INSL6: variants seen among roughly 807,000 people sequenced by gnomAD.
INSL6 encodes the protein insulin like 6.
A neutral mutation model predicts 9.4 loss-of-function variants in INSL6; 16 were observed. That is an observed-to-expected ratio of 1.70 (90% CI 1.15 to 2.59). The LOEUF (loss-of-function observed/expected upper bound fraction) is 2.59, where lower values mean the gene tolerates loss of function less well. INSL6 is among the 30% of genes most tolerant of loss of function. The pLI is 0.00. For synonymous variants in INSL6, 154 were observed against 96.9 expected (o/e 1.59, Z -3.46); for missense variants, 391 against 257.3 (o/e 1.52, Z -3.56).
At chr9:5,145,235 C>G (rs191548688) in intron 2 of INSL6, among the ~76,000 whole-genome samples, 199 of 151,266 alleles carry the variant, frequency 1.3e-3, no homozygotes, top group Non-Finnish European at 2.0e-3. Context: ...TTAGCTTGGC[C>G]AGATATGAAA....
Position 5,185,629 on chromosome 9 carries a change from C to T in INSL6, c.-27G>A, listed in dbSNP as rs922976567. ...CCTGTGACCCCAGGCTAGTCCTCCGCGTTGTGCAATGGCGGTCGGCCGGAC... is the reference window on the plus strand; with the variant it reads ...CCTGTGACCCCAGGCTAGTCCTCCGTGTTGTGCAATGGCGGTCGGCCGGAC... On this transcript the variant is annotated 5_prime_UTR_variant, in exon 1 of 2. Transcript: ENST00000381641. 1.3e-6 allele frequency: 2 copies of T among 1,598,828 alleles called. No individual in the cohort carries two copies. The highest frequency in any genetic ancestry group is 1.7e-6 in the Non-Finnish European group (2 of 1,174,266).
the INSL6 span, chr9:5,110,959 C>T: frequency 3.3e-6 from 2 of 598,906 alleles, no homozygotes; most frequent in Non-Finnish European, 6.2e-6. Context: ...GGACAAGGAG[C>T]TCAGTAACCT....
chr9:5,035,150 C>T, the INSL6 span, among the ~76,000 whole-genome samples: 1 of 152,138 alleles, frequency 6.6e-6, no homozygotes, highest in Non-Finnish European at 1.5e-5. Flanking sequence ...GGATAAATTC[C>T]TGGACACATA....
the INSL6 span, among the ~76,000 whole-genome samples, chr9:5,116,903 G>C: frequency 6.6e-6 from 1 of 152,248 alleles, no homozygotes; most frequent in East Asian, 1.9e-4. Context: ...TAAGGTACTG[G>C]GAAAACATAA....
chr9:5,182,637 A>G (rs1320589743), intron 1 of INSL6, among the ~76,000 whole-genome samples: 1 of 152,134 alleles, frequency 6.6e-6, no homozygotes, highest in Non-Finnish European at 1.5e-5. Context: ...ATGATATCTG[A>G]AACATAAAGA....
At chr9:5,086,151 CG>C in the INSL6 span, 2 of 363,418 alleles carry the variant, frequency 5.5e-6, no homozygotes, top group South Asian at 4.3e-5. Context: ...CCGCAAGGCT[CG>C]GGGAGCGGTC....
chr9:5,007,875 G>C, the INSL6 span, among the ~76,000 whole-genome samples: 2 of 151,902 alleles, frequency 1.3e-5, no homozygotes, highest in African/African-American at 4.8e-5. Flanking sequence ...TTACAGGCAC[G>C]TGCCACCACG....
At chr9:5,124,497 G>T (rs1440460098) in exon 4 of INSL6, among the ~76,000 whole-genome samples, 2 of 151,606 alleles carry the variant, frequency 1.3e-5, no homozygotes, top group Non-Finnish European at 3.0e-5. Flanking sequence ...GCAATCTGCA[G>T]ATTCAATGCA....
chr9:5,039,477 C>T, the INSL6 span, among the ~76,000 whole-genome samples: 7 of 152,202 alleles, frequency 4.6e-5, no homozygotes, highest in African/African-American at 9.6e-5. Context: ...ATATCAGGAA[C>T]ATGAGTATTT....
At chr9:5,099,331 A>G in the INSL6 span, 1 of 152,180 alleles carries the variant, frequency 6.6e-6, no homozygotes, top group Non-Finnish European at 1.5e-5. Flanking sequence ...CTACACTAAA[A>G]TATCACTGTA....
At chr9:5,081,777 C>G in the INSL6 span, 3 of 1,605,192 alleles carry the variant, frequency 1.9e-6, no homozygotes, top group Non-Finnish European at 2.6e-6. Context: ...GGATAGGTGC[C>G]CTGGGGTTTT....
the INSL6 span, chr9:5,090,294 G>A: frequency 8.4e-6 from 4 of 475,638 alleles, no homozygotes; most frequent in South Asian, 8.3e-5. Flanking sequence ...AAAAGACTAT[G>A]TTCTTAACAA....
At chr9:5,135,067 C>G (rs150975346) in intron 2 of INSL6, among the ~76,000 whole-genome samples, 1 of 152,066 alleles carries the variant, frequency 6.6e-6, no homozygotes, top group South Asian at 2.1e-4. Context: ...TTTAAACCAA[C>G]GAAGATCAAG....
At chr9:5,061,460 C>G in the INSL6 span, among the ~76,000 whole-genome samples, 3 of 152,232 alleles carry the variant, frequency 2.0e-5, no homozygotes, top group African/African-American at 7.2e-5. Context: ...GCTGCTTCAC[C>G]TTGCACTTAT....
the INSL6 span, among the ~76,000 whole-genome samples, chr9:5,117,571 T>G: frequency 6.6e-6 from 1 of 152,194 alleles, no homozygotes; most frequent in African/African-American, 2.4e-5. Flanking sequence ...CTTGCAAAAA[T>G]GTAAAACAAT....
the INSL6 span, among the ~76,000 whole-genome samples, chr9:5,081,254 A>G: frequency 2.9e-5 from 3 of 104,594 alleles, no homozygotes; most frequent in African/African-American, 1.7e-4. Flanking sequence ...GTTGTAAATT[A>G]TAGTATTTTT....
At chr9:5,079,564 T>C in the INSL6 span, among the ~76,000 whole-genome samples, 2 of 151,990 alleles carry the variant, frequency 1.3e-5, no homozygotes, top group African/African-American at 2.4e-5. Context: ...CTCTGAATGA[T>C]GTAACATTAC....
the INSL6 span, among the ~76,000 whole-genome samples, chr9:5,084,397 C>A: frequency 6.6e-6 from 1 of 152,124 alleles, no homozygotes; most frequent in African/African-American, 2.4e-5. Context: ...GATTGCATGT[C>A]ACCTTTCCAT....
the INSL6 span, among the ~76,000 whole-genome samples, chr9:5,055,052 A>G: frequency 6.6e-6 from 1 of 152,034 alleles, no homozygotes; most frequent in African/African-American, 2.4e-5. Flanking sequence ...TTTGCCTACT[A>G]TTCTTAAATG....
Sources: allele counts gnomAD v4.1 joint callset (sites outside exome capture counted in the v4.1 genomes callset), GRCh38; gene constraint gnomAD v4.1.1; transcripts MANE v1.5; gene names NCBI Gene and HGNC (gene_info 2026-07-23, HGNC 2026-07-21).